The following RPS6KC1 variants were observed in gnomAD, a reference collection of about 807,000 sequenced individuals.
RPS6KC1 encodes the protein inactive ribosomal protein S6 kinase delta-1.
Under a neutral mutation model 103.8 loss-of-function variants are expected in RPS6KC1, and 54 were observed. That is an observed-to-expected ratio of 0.52 (90% CI 0.42 to 0.65). RPS6KC1 has a LOEUF of 0.65. Ranked by LOEUF, RPS6KC1 falls within the 30% of genes least tolerant of loss-of-function variation. The pLI is 0.00. For synonymous variants in RPS6KC1, 439 were observed against 438.7 expected (o/e 1.00, Z -0.01); for missense variants, 1,151 against 1,253.8 (o/e 0.92, Z 1.24).
At chr1:213,574,817 C>T in the RPS6KC1 span, among the ~76,000 whole-genome samples, 1 of 152,128 alleles carries the variant, frequency 6.6e-6, no homozygotes, top group African/African-American at 2.4e-5. Flanking sequence ...ACTGGGTAAA[C>T]TAAGGGAAAC....
At chr1:213,605,023 C>T in the RPS6KC1 span, among the ~76,000 whole-genome samples, 12 of 152,176 alleles carry the variant, frequency 7.9e-5, no homozygotes, top group Non-Finnish European at 1.5e-4. Flanking sequence ...CATTCTTTCC[C>T]TTCCTCTAGG....
At chr1:213,114,862 T>G (rs1459837360) in intron 4 of RPS6KC1, among the ~76,000 whole-genome samples, 3 of 152,218 alleles carry the variant, frequency 2.0e-5, no homozygotes, top group Non-Finnish European at 2.9e-5. Context: ...CATTTATTGA[T>G]TTGCATATAT....
chr1:213,391,273 T>C, the RPS6KC1 span, among the ~76,000 whole-genome samples: 2 of 152,052 alleles, frequency 1.3e-5, no homozygotes, highest in African/African-American at 4.8e-5. Context: ...GGGCCATGCA[T>C]GTGGGAGTTG....
chr1:213,456,936 TG>T, the RPS6KC1 span, among the ~76,000 whole-genome samples: 15 of 152,178 alleles, frequency 9.9e-5, no homozygotes, highest in Admixed American at 9.8e-4. Flanking sequence ...TCAATATTTT[TG>T]GGGGGTTTCA....
chr1:213,191,291 C>CT (rs1203449802), intron 8 of RPS6KC1, among the ~76,000 whole-genome samples: 1 of 151,928 alleles, frequency 6.6e-6, no homozygotes, highest in Non-Finnish European at 1.5e-5. Context: ...ATATCTTTCC[C>CT]TTTTTTTGTG....
the RPS6KC1 span, among the ~76,000 whole-genome samples, chr1:213,698,050 A>G: frequency 6.6e-6 from 1 of 152,190 alleles, no homozygotes; most frequent in Admixed American, 6.5e-5. Flanking sequence ...TTCATTGTAC[A>G]GACCATCCCC....
the RPS6KC1 span, among the ~76,000 whole-genome samples, chr1:213,773,293 A>G: frequency 1.3e-5 from 2 of 151,132 alleles, no homozygotes; most frequent in East Asian, 3.9e-4. Flanking sequence ...CAAGGTGACC[A>G]TGGAGGTTTC....
At chr1:213,616,153 C>T in the RPS6KC1 span, among the ~76,000 whole-genome samples, 4 of 152,196 alleles carry the variant, frequency 2.6e-5, no homozygotes, top group African/African-American at 9.6e-5. Flanking sequence ...AAGGAGCTTA[C>T]ACTCAAATCA....
chr1:213,227,882 C>T (rs2093996188), intron 8 of RPS6KC1, among the ~76,000 whole-genome samples: 1 of 152,084 alleles, frequency 6.6e-6, no homozygotes, highest in Non-Finnish European at 1.5e-5. Context: ...ATTTTGGAAC[C>T]CACCCAGATA....
chr1:213,753,460 G>A, the RPS6KC1 span, among the ~76,000 whole-genome samples: 1 of 152,050 alleles, frequency 6.6e-6, no homozygotes, highest in Non-Finnish European at 1.5e-5. Context: ...ACATCCTTTG[G>A]GTCAAAATAA....
At chr1:213,778,027 G>A in the RPS6KC1 span, among the ~76,000 whole-genome samples, 346 of 152,256 alleles carry the variant, frequency 2.3e-3, 3 homozygotes, top group African/African-American at 7.8e-3. Flanking sequence ...GCTAGTGTGC[G>A]CTGCAGCCAG....
the RPS6KC1 span, among the ~76,000 whole-genome samples, chr1:213,628,950 G>T: frequency 2.0e-5 from 3 of 152,222 alleles, no homozygotes; most frequent in South Asian, 2.1e-4. Context: ...CTAAGAGACA[G>T]TTTGTTGTGA....
At chr1:213,804,173 TAAAAAAAAAAAA>T in the RPS6KC1 span, among the ~76,000 whole-genome samples, 2 of 57,840 alleles carry the variant, frequency 3.5e-5, no homozygotes, top group Non-Finnish European at 6.1e-5. Flanking sequence ...TGGCTAATCT[TAAAAAAAAAAAA>T]AAAAAAAAAA....
the RPS6KC1 span, among the ~76,000 whole-genome samples, chr1:213,282,445 TC>T: frequency 6.6e-6 from 1 of 152,182 alleles, no homozygotes; most frequent in Non-Finnish European, 1.5e-5. Context: ...TGAGATAAAA[TC>T]CTGCTCCTCA....
At chr1:213,470,275 A>G in the RPS6KC1 span, among the ~76,000 whole-genome samples, 1,790 of 152,246 alleles carry the variant, frequency 0.012, 28 homozygotes, top group Non-Finnish European at 0.018. Flanking sequence ...CTTGCAATTT[A>G]TGAGTTAAAA....
intron 12 of RPS6KC1, among the ~76,000 whole-genome samples, chr1:213,259,330 C>T (rs1316982592): frequency 2.6e-5 from 4 of 152,304 alleles, no homozygotes; most frequent in East Asian, 1.9e-4. Flanking sequence ...GAGGCCAAGG[C>T]GGGTGGATCG....
chr1:213,690,593 G>A, the RPS6KC1 span, among the ~76,000 whole-genome samples: 2 of 152,192 alleles, frequency 1.3e-5, no homozygotes, highest in Non-Finnish European at 2.9e-5. Flanking sequence ...CTCCTTTGAA[G>A]AGGTTGCTGT....
the RPS6KC1 span, among the ~76,000 whole-genome samples, chr1:213,482,875 G>A: frequency 2.6e-4 from 39 of 151,970 alleles, no homozygotes; most frequent in Non-Finnish European, 1.3e-4. Context: ...TAAGTGTTAT[G>A]TCTGGTGGTG....
At chr1:213,468,773 G>A in the RPS6KC1 span, among the ~76,000 whole-genome samples, 1 of 152,184 alleles carries the variant, frequency 6.6e-6, no homozygotes, top group East Asian at 1.9e-4. Flanking sequence ...TGCCCACGAA[G>A]ACTTAAATGA....
Sources: allele counts gnomAD v4.1 joint callset (sites outside exome capture counted in the v4.1 genomes callset), GRCh38; gene constraint gnomAD v4.1.1; transcripts MANE v1.5; gene names NCBI Gene and HGNC (gene_info 2026-07-23, HGNC 2026-07-21).